The following GFI1 variants were observed in gnomAD, a reference collection of about 807,000 sequenced individuals.
GFI1 encodes the protein zinc finger protein Gfi-1.
Under a neutral mutation model 39.2 loss-of-function variants are expected in GFI1, and 15 were observed. The ratio of observed to expected loss-of-function variants is 0.38; its 90% CI spans 0.26 to 0.59. The LOEUF (loss-of-function observed/expected upper bound fraction) is 0.59, where lower values mean the gene tolerates loss of function less well. Ranked by LOEUF, GFI1 falls within the 20% of genes least tolerant of loss-of-function variation. The pLI is 0.62. For synonymous variants in GFI1, 239 were observed against 254.3 expected, an observed-to-expected ratio of 0.94 and a Z score of 0.57; for missense variants, 475 against 574.0, an observed-to-expected ratio of 0.83 and a Z score of 1.76.
chr1:92,482,784 G>T lies in GFI1; in HGVS notation c.298+80C>A. On this transcript the variant is annotated intron_variant, in intron 3 of 6. Transcript: ENST00000294702. The surrounding 1 kb of genome is among the most constrained non-coding windows in gnomAD (Gnocchi z 4.4). Reference sequence around the variant, plus strand: ...TCCAACTCCCCGTTAGCATTTCTACGCCCAAGGTCGCGCCAATTCCCCCCC... The same window carrying T: ...TCCAACTCCCCGTTAGCATTTCTACTCCCAAGGTCGCGCCAATTCCCCCCC... 1 of 1,111,660 alleles carries T rather than the reference G, an allele frequency of 9.0e-7. No homozygotes were observed. 68.9% of individuals were successfully genotyped at this position (1,111,660 alleles called of 1,614,324 possible). A position where few individuals can be genotyped will look rare whatever the true frequency, so the allele number is the denominator to read the frequency against.
At chr1:92,486,549 C>T (rs1658535779) in intron 1 of GFI1, among the ~76,000 whole-genome samples, 177 bp downstream of exon 1, 1 of 149,914 alleles carries the variant, frequency 6.7e-6, no homozygotes, top group South Asian at 2.1e-4. Flanking sequence ...ACCCCGCCGC[C>T]TCCTAGGGCT....
At chr1:92,476,649 C>T (rs563698607) in intron 6 of GFI1, among the ~76,000 whole-genome samples, 6 of 152,182 alleles carry the variant, frequency 3.9e-5, no homozygotes, top group Non-Finnish European at 8.8e-5. Context: ...TCTGAATTTC[C>T]AAGTGGGTGT....
chr1:92,483,613 G>A (rs1223790778), intron 1 of GFI1, 27 bp from the exon 2 acceptor site: 2 of 709,864 alleles, frequency 2.8e-6, no homozygotes, highest in East Asian at 2.7e-5. Context: ...ACCAGGTGGA[G>A]ACGTGGGTCA....
Position 92,476,605 on chromosome 1 carries a change from G to A in GFI1, c.1091-398C>T, listed in dbSNP as rs920773381. The stretch of plus-strand genomic sequence containing the variant: ...GAGGGGGAAGCTGTCCTAAAACCGT[G>A]TGACTCCGTTCTAATTCAGAGGAAG... On this transcript the variant is annotated intron_variant, in intron 6 of 6. Transcript: ENST00000294702. 3.3e-5 allele frequency among the ~76,000 whole-genome samples: 5 copies of A among 152,220 alleles called. No individual in the cohort carries two copies. In the South Asian group the frequency reaches 8.3e-4, roughly 25 times the overall value.
rs1658285476 is a variant in GFI1 at position 92,482,071 on chromosome 1, G to A, written c.298+793C>T. On this transcript the variant is annotated intron_variant, in intron 3 of 6. Coordinates refer to ENST00000294702, the MANE Select transcript of GFI1 (RefSeq NM_005263.5). This position sits in a 1 kb window ranked among gnomAD's most constrained non-coding sequence, Gnocchi z 4.4. ...TGGCCACTTGACGCCCTGGCAGGAA[G>A]AATCCTCCCGCCGCCGGCTCCCAGA... Among the ~76,000 whole-genome samples, 2 of 152,176 alleles carry A rather than the reference G, an allele frequency of 1.3e-5. 1 individual carries two copies. Among genetic ancestry groups the A allele is most frequent in the Admixed American group, 1.3e-4 (2 of 15,288 alleles).
chr1:92,478,870 T>A, intron 5 of GFI1, 117 bp from the exon 6 acceptor site: 1 of 1,345,626 alleles, frequency 7.4e-7, no homozygotes, highest in South Asian at 1.3e-5. Flanking sequence ...CCTTGAACAC[T>A]TTTTCTTTCT....
At chr1:92,478,170 G>A (rs547742163) in intron 6 of GFI1, among the ~76,000 whole-genome samples, 21 of 152,138 alleles carry the variant, frequency 1.4e-4, no homozygotes, top group African/African-American at 3.9e-4. Flanking sequence ...AAATGCAGCC[G>A]GAGAGTCCAC....
At position 92,482,424 on chromosome 1, in the gene GFI1, G is replaced by C. The variant is rs1571219462; in HGVS notation, c.298+440C>G. ...AGCCGCGGGCTGAGATTTTCGTCCT[G>C]CCCCCTCCCTGCCGCCCAGCGCCTA... On this transcript the variant is annotated intron_variant, in intron 3 of 6. Coordinates refer to ENST00000294702, the MANE Select transcript of GFI1 (RefSeq NM_005263.5). This position sits in a 1 kb window ranked among gnomAD's most constrained non-coding sequence, Gnocchi z 4.4. Among the ~76,000 whole-genome samples the C allele has an allele frequency of 6.6e-6, 1 of 151,880 alleles. No homozygotes were observed. Among genetic ancestry groups the C allele is most frequent in the African/African-American group, 2.4e-5 (1 of 41,334 alleles).
chr1:92,476,563 A>C (rs1008329367), intron 6 of GFI1, among the ~76,000 whole-genome samples: 2 of 152,150 alleles, frequency 1.3e-5, no homozygotes, highest in African/African-American at 4.8e-5. Context: ...CTCAGAGCAG[A>C]TGTTCAACAG....
In GFI1 at chr1:92,473,389, A is replaced by T. The variant is rs1243381927; in HGVS notation, c.*2640T>A. On this transcript the variant is annotated 3_prime_UTR_variant, in exon 7 of 7. Transcript: ENST00000294702. ...GGTTGGAAATAACCAACCAGTACAC[A>T]GGGTGACTTCTGTGGGAAGGATGTT... Among the ~76,000 whole-genome samples, 1 of 152,166 alleles carries T rather than the reference A, an allele frequency of 6.6e-6. No individual in the cohort carries two copies. Among genetic ancestry groups the T allele is most frequent in the East Asian group, 1.9e-4 (1 of 5,190 alleles).
chr1:92,479,993 C>A (rs1229808635), intron 5 of GFI1, among the ~76,000 whole-genome samples: 1 of 152,084 alleles, frequency 6.6e-6, no homozygotes, highest in African/African-American at 2.4e-5. Flanking sequence ...AAGTGACAAC[C>A]ATTTGGTGAA....
Position 92,482,771 on chromosome 1 carries a change from T to C in GFI1, c.298+93A>G, listed in dbSNP as rs572617941. 4.4e-5 allele frequency: 43 copies of C among 974,486 alleles called. No homozygotes were observed. The highest frequency in any genetic ancestry group is 6.2e-5 in the Non-Finnish European group (38 of 610,096). The allele number at this position is 974,486 out of a possible 1,614,324, so 60.4% of individuals were successfully genotyped here. A position where few individuals can be genotyped will look rare whatever the true frequency, so the allele number is the denominator to read the frequency against. ...CCCGGAAAGACTCTCCAACTCCCCG[T>C]TAGCATTTCTACGCCCAAGGTCGCG... On this transcript the variant is annotated intron_variant, in intron 3 of 6. Transcript: ENST00000294702. The surrounding 1 kb of genome is among the most constrained non-coding windows in gnomAD (Gnocchi z 4.4).
chr1:92,477,216 A>G (rs1658018444), intron 6 of GFI1, among the ~76,000 whole-genome samples: 1 of 152,230 alleles, frequency 6.6e-6, no homozygotes, highest in Non-Finnish European at 1.5e-5. Flanking sequence ...GGTCAAACAA[A>G]TCTGAGAAAA....
intron 6 of GFI1, among the ~76,000 whole-genome samples, chr1:92,476,473 G>A (rs1444135514): frequency 1.3e-5 from 2 of 152,154 alleles, no homozygotes; most frequent in Admixed American, 6.5e-5. Flanking sequence ...CCTGCTAAAC[G>A]GAAACAGAGC....
rs935379488 is a variant in GFI1 at position 92,473,045 on chromosome 1, T to G, written c.*2984A>C. ...CTCATGAATAATGTGACATGGAATA[T>G]TCACAATCTATTTTTAATGGAGTCA... On this transcript the variant is annotated 3_prime_UTR_variant, in exon 7 of 7. Coordinates refer to ENST00000294702, the MANE Select transcript of GFI1 (RefSeq NM_005263.5). 2.0e-5 allele frequency among the ~76,000 whole-genome samples: 3 copies of G among 152,170 alleles called. No individual in the cohort carries two copies. The highest frequency in any genetic ancestry group is 7.2e-5 in the African/African-American group (3 of 41,432).
At position 92,484,235 on chromosome 1, in the gene GFI1, G is replaced by C. The variant is rs917250724; in HGVS notation, c.-99-649C>G. On this transcript the variant is annotated intron_variant, in intron 1 of 6. Transcript: ENST00000294702. The surrounding 1 kb of genome is among the most constrained non-coding windows in gnomAD (Gnocchi z 4.1). ...GAGCAAAGGGACAGGAAAGTGAGGG[G>C]AACAACAGACGACCAACCCCCGCCC... 1.3e-5 allele frequency among the ~76,000 whole-genome samples: 2 copies of C among 152,152 alleles called. No individual in the cohort carries two copies. Among genetic ancestry groups the C allele is most frequent in the African/African-American group, 4.8e-5 (2 of 41,442 alleles).
chr1:92,482,028 G>C lies in GFI1; in HGVS notation c.298+836C>G, dbSNP rs1316591737. Reference sequence around the variant, plus strand: ...GGAGTTTCGTTCGGAGGGGTTCGGGGCGCGCCCAATCCTTGTCTGGCCACT... The same window carrying C: ...GGAGTTTCGTTCGGAGGGGTTCGGGCCGCGCCCAATCCTTGTCTGGCCACT... On this transcript the variant is annotated intron_variant, in intron 3 of 6. Transcript: ENST00000294702. The surrounding 1 kb of genome is among the most constrained non-coding windows in gnomAD (Gnocchi z 4.4). 6.6e-6 allele frequency among the ~76,000 whole-genome samples: 1 copy of C among 151,768 alleles called. No individual in the cohort carries two copies. The highest frequency in any genetic ancestry group is 1.5e-5 in the Non-Finnish European group (1 of 67,982).
rs1486443313 is a variant in GFI1 at position 92,473,390 on chromosome 1, G to T, written c.*2639C>A. Reference sequence around the variant, plus strand: ...GTTGGAAATAACCAACCAGTACACAGGGTGACTTCTGTGGGAAGGATGTTT... The same window carrying T: ...GTTGGAAATAACCAACCAGTACACATGGTGACTTCTGTGGGAAGGATGTTT... On this transcript the variant is annotated 3_prime_UTR_variant, in exon 7 of 7. Transcript: ENST00000294702. Among the ~76,000 whole-genome samples, 1 of 152,138 alleles carries T rather than the reference G, an allele frequency of 6.6e-6. No homozygotes were observed. Among genetic ancestry groups the T allele is most frequent in the East Asian group, 1.9e-4 (1 of 5,194 alleles).
Position 92,478,838 on chromosome 1 carries a change from C to A in GFI1, c.925-85G>T, listed in dbSNP as rs548163765. The A allele has an allele frequency of 3.2e-6, 5 of 1,557,948 alleles. No individual in the cohort carries two copies. In the Admixed American group the frequency reaches 5.4e-5, roughly 17 times the overall value. ...GTCAACTAGACTGCTGCTCTCCTCA[C>A]CCCTCAGCTGACCCTAAAATCCCTT... On this transcript the variant is annotated intron_variant, in intron 5 of 6. Coordinates refer to ENST00000294702, the MANE Select transcript of GFI1 (RefSeq NM_005263.5).
Sources: gnomAD v4.1 joint callset for allele counts (sites outside exome capture counted in the v4.1 genomes callset) on GRCh38, gnomAD v4.1.1 for gene constraint, Gnocchi (gnomAD v3.1) non-coding constraint, MANE v1.5 for transcripts, NCBI Gene and HGNC (gene_info 2026-07-23, HGNC 2026-07-21) for gene names.